GSDME: variants seen among roughly 807,000 people sequenced by gnomAD.
GSDME encodes gasdermin E.
GSDME carries 44 observed loss-of-function variants against 47.5 expected under a neutral mutation model. That is an observed-to-expected ratio of 0.93 (90% confidence interval 0.73 to 1.19). The LOEUF (loss-of-function observed/expected upper bound fraction) is 1.19. Among genes scored for constraint, GSDME ranks in the 50% most tolerant of loss-of-function variants. GSDME has a pLI of 0.00. For missense variants in GSDME, 663 were observed against 604.2 expected, an observed-to-expected ratio of 1.10 and a Z score of -1.02; for synonymous variants, 258 against 252.8, an observed-to-expected ratio of 1.02 and a Z score of -0.20.
rs1366650597 is a variant in GSDME at position 24,710,346 on chromosome 7, T to C, written c.740A>G (p.Lys247Arg). The C allele has an allele frequency of 4.3e-6, 7 of 1,614,150 alleles. No individual in the cohort carries two copies. The Middle Eastern group carries it at 6.6e-4, about 152-fold the overall frequency. ...LRGKQGGFEN[K>R]KRIDSVYLDP... is the part of the protein sequence containing the mutation. ...CAGGTAGACAGAGTCAATTCTCTTCTTGTTCTCGAAGCCACCTTGCTTCCC... is the reference window on the plus strand; with the variant it reads ...CAGGTAGACAGAGTCAATTCTCTTCCTGTTCTCGAAGCCACCTTGCTTCCC... Residue 247 changes from lysine to arginine, a missense_variant, in exon 6 of 10, where the codon AAG becomes AGG. Coordinates refer to ENST00000645220, the MANE Select transcript of GSDME (RefSeq NM_001127453.2).
intron 1 of GSDME, among the ~76,000 whole-genome samples, chr7:24,751,259 G>A (rs192934216): frequency 4.5e-4 from 68 of 151,666 alleles, no homozygotes; most frequent in Non-Finnish European, 7.5e-4. Context: ...ATATATACAC[G>A]CATGTATAAT....
At position 24,725,593 on chromosome 7, in the gene GSDME, G is replaced by C. The variant is rs1275518553; in HGVS notation, c.405-6375C>G. ...CTAAGGGGGTGCGCATGAGAGGGTC[G>C]TGATCGATTGAGCAAGCAGTGGGTA... On this transcript the variant is annotated intron_variant, in intron 3 of 9. Transcript: ENST00000645220. The surrounding 1 kb of genome is among the most constrained non-coding windows in gnomAD (Gnocchi z 5.1). Among the ~76,000 whole-genome samples the C allele has an allele frequency of 6.6e-6, 1 of 152,164 alleles. No individual in the cohort carries two copies. Among genetic ancestry groups the C allele is most frequent in the African/African-American group, 2.4e-5 (1 of 41,434 alleles).
At chr7:24,782,787 T>G in the GSDME span, among the ~76,000 whole-genome samples, 1 of 152,258 alleles carries the variant, frequency 6.6e-6, no homozygotes, top group Non-Finnish European at 1.5e-5. Flanking sequence ...TATCTCATTG[T>G]GGTTTTGATT....
chr7:24,769,567 C>T, the GSDME span, among the ~76,000 whole-genome samples: 1 of 152,082 alleles, frequency 6.6e-6, no homozygotes, highest in East Asian at 1.9e-4. Context: ...GGGGAGGGAA[C>T]TAAGTTTCAC....
At position 24,733,291 on chromosome 7, in the gene GSDME, A is replaced by G. The variant is rs774526068; in HGVS notation, c.404+11271T>C. 3.9e-5 allele frequency among the ~76,000 whole-genome samples: 6 copies of G among 151,922 alleles called. No homozygotes were observed. The highest frequency in any genetic ancestry group is 7.3e-5 in the African/African-American group (3 of 41,338). On this transcript the variant is annotated intron_variant, in intron 3 of 9. Coordinates refer to ENST00000645220, the MANE Select transcript of GSDME (RefSeq NM_001127453.2). The surrounding 1 kb of genome is among the most constrained non-coding windows in gnomAD (Gnocchi z 4.3). The stretch of plus-strand genomic sequence containing the variant: ...CAGTAACCAGGCAATACATGCCATG[A>G]GCCTTGGGTGAGACTCTGAGACATG...
In GSDME at chr7:24,728,141, A is replaced by C. The variant is rs1790031389; in HGVS notation, c.405-8923T>G. ...ATCGGGGGCAATTCTGGCCAATGAG[A>C]CCTGAGGAAAATCTGTTAGGGGTTC... On this transcript the variant is annotated intron_variant, in intron 3 of 9. Coordinates refer to ENST00000645220, the MANE Select transcript of GSDME (RefSeq NM_001127453.2). This position sits in a 1 kb window ranked among gnomAD's most constrained non-coding sequence, Gnocchi z 7.2. 6.6e-6 allele frequency among the ~76,000 whole-genome samples: 1 copy of C among 152,074 alleles called. No homozygotes were observed. Among genetic ancestry groups the C allele is most frequent in the Non-Finnish European group, 1.5e-5 (1 of 68,014 alleles).
chr7:24,737,984 A>G (rs1790362347), intron 3 of GSDME, among the ~76,000 whole-genome samples: 1 of 152,126 alleles, frequency 6.6e-6, no homozygotes, highest in Non-Finnish European at 1.5e-5. Context: ...GTTCCACAAT[A>G]AAAGCCATAT....
At chr7:24,755,480 AATC>A (rs386711363) in intron 1 of GSDME, among the ~76,000 whole-genome samples, 1 of 152,138 alleles carries the variant, frequency 6.6e-6, no homozygotes, top group African/African-American at 2.4e-5. Flanking sequence ...TCTTTCCCCA[AATC>A]ACCTACTACA....
intron 3 of GSDME, among the ~76,000 whole-genome samples, chr7:24,731,458 G>A (rs981265827): frequency 1.3e-5 from 2 of 152,218 alleles, no homozygotes; most frequent in Non-Finnish European, 2.9e-5. Context: ...TCCTCCACGG[G>A]AGAGGAAAAC....
In GSDME at chr7:24,735,757, TC is replaced by T. The variant is rs1790284058; in HGVS notation, c.404+8804del. ...TGGGTGACAACAGCAAAACTCTATC[TC>T]AAAAATAAATAAATAAATAAATAAA... On this transcript the variant is annotated intron_variant, in intron 3 of 9. Coordinates refer to ENST00000645220, the MANE Select transcript of GSDME (RefSeq NM_001127453.2). The surrounding 1 kb of genome is among the most constrained non-coding windows in gnomAD (Gnocchi z 4.4). 8.1e-6 allele frequency among the ~76,000 whole-genome samples: 1 copy of T among 123,194 alleles called. No homozygotes were observed. Among genetic ancestry groups the T allele is most frequent in the Admixed American group, 9.4e-5 (1 of 10,660 alleles). 80.8% of individuals were successfully genotyped at this position (123,194 alleles called of 152,430 possible).
At position 24,744,881 on chromosome 7, in the gene GSDME, C is replaced by G. The variant is rs143614706; in HGVS notation, c.212-127G>C. On this transcript the variant is annotated intron_variant, in intron 2 of 9. Coordinates refer to ENST00000645220, the MANE Select transcript of GSDME (RefSeq NM_001127453.2). This position sits in a 1 kb window ranked among gnomAD's most constrained non-coding sequence, Gnocchi z 4.5. ...GAAGGCTGGCACTCAGATGGAAAGCCGGCAGCCATGCTGTGTGTGTGGGCA... is the reference window on the plus strand; with the variant it reads ...GAAGGCTGGCACTCAGATGGAAAGCGGGCAGCCATGCTGTGTGTGTGGGCA... The G allele has an allele frequency of 1.0e-6, 1 of 981,766 alleles. No homozygotes were observed. The highest frequency in any genetic ancestry group is 1.6e-6 in the Non-Finnish European group (1 of 641,690). The allele number at this position is 981,766 out of a possible 1,614,324, so 60.8% of individuals were successfully genotyped here.
At chr7:24,770,006 G>C in the GSDME span, among the ~76,000 whole-genome samples, 2 of 152,190 alleles carry the variant, frequency 1.3e-5, no homozygotes, top group Non-Finnish European at 2.9e-5. The surrounding 1 kb of genome is among the most constrained non-coding windows in gnomAD (Gnocchi z 4.6). Flanking sequence ...TTTGTTTTTG[G>C]TGTTTAATGA....
At chr7:24,776,877 C>A in the GSDME span, among the ~76,000 whole-genome samples, 1 of 151,980 alleles carries the variant, frequency 6.6e-6, no homozygotes, top group Non-Finnish European at 1.5e-5. Context: ...AGAGATGGTG[C>A]CAAAAAGTAA....
chr7:24,737,608 C>A lies in GSDME; in HGVS notation c.404+6954G>T, dbSNP rs143670677. Among the ~76,000 whole-genome samples the A allele has an allele frequency of 7.5e-3, 1,129 of 151,286 alleles. 9 individuals are homozygous for A. The highest frequency in any genetic ancestry group is 9.9e-3 in the Non-Finnish European group (672 of 67,728). On this transcript the variant is annotated intron_variant, in intron 3 of 9. Transcript: ENST00000645220. ...AATACCAATCCTACTCAAACTATTC[C>A]AAAAAACAGAGAAGGAGGGAATACT...
At chr7:24,783,126 A>G in the GSDME span, among the ~76,000 whole-genome samples, 2 of 152,224 alleles carry the variant, frequency 1.3e-5, no homozygotes, top group African/African-American at 4.8e-5. Flanking sequence ...CTCATGGAAA[A>G]TGAAAGAGGA....
At chr7:24,780,904 C>A in the GSDME span, among the ~76,000 whole-genome samples, 2 of 152,136 alleles carry the variant, frequency 1.3e-5, no homozygotes, top group Non-Finnish European at 2.9e-5. The surrounding 1 kb of genome is among the most constrained non-coding windows in gnomAD (Gnocchi z 4.1). Context: ...ATATTTCCAG[C>A]CCCTACCCTC....
At chr7:24,781,613 C>G in the GSDME span, among the ~76,000 whole-genome samples, 1 of 151,974 alleles carries the variant, frequency 6.6e-6, no homozygotes, top group Non-Finnish European at 1.5e-5. Flanking sequence ...TATTAAGAAC[C>G]CCAAAGAGCG....
In GSDME at chr7:24,728,719, G is replaced by A. The variant is rs1790050868; in HGVS notation, c.405-9501C>T. Among the ~76,000 whole-genome samples, 1 of 152,170 alleles carries A rather than the reference G, an allele frequency of 6.6e-6. No individual in the cohort carries two copies. The highest frequency in any genetic ancestry group is 1.5e-5 in the Non-Finnish European group (1 of 68,030). On this transcript the variant is annotated intron_variant, in intron 3 of 9. Transcript: ENST00000645220. This position sits in a 1 kb window ranked among gnomAD's most constrained non-coding sequence, Gnocchi z 7.2. ...GCAGCCGCCCACTGTCTCCCCCGCA[G>A]GTACTAGCAGTCCCCATTTCAACCA...
chr7:24,779,498 G>GTGTGTGT, the GSDME span, among the ~76,000 whole-genome samples: 1 of 143,050 alleles, frequency 7.0e-6, no homozygotes, highest in African/African-American at 2.7e-5. This position sits in a 1 kb window ranked among gnomAD's most constrained non-coding sequence, Gnocchi z 6.0. Flanking sequence ...AGTGATACAT[G>GTGTGTGT]GTGTGTGTGT....
Sources: gnomAD v4.1 joint callset for allele counts (sites outside exome capture counted in the v4.1 genomes callset) on GRCh38, gnomAD v4.1.1 for gene constraint, Gnocchi (gnomAD v3.1) non-coding constraint, MANE v1.5 for transcripts, NCBI Gene and HGNC (gene_info 2026-07-23, HGNC 2026-07-21) for gene names.